Variants in ADGRV1 observed in about 807,000 individuals in gnomAD.
ADGRV1 encodes adhesion G protein-coupled receptor V1.
Under a neutral mutation model 596.2 loss-of-function variants are expected in ADGRV1, and 359 were observed. That is an observed-to-expected ratio of 0.60 (90% confidence interval 0.55 to 0.66). The LOEUF (loss-of-function observed/expected upper bound fraction) is 0.66, where lower values mean the gene tolerates loss of function less well. Among genes scored for constraint, ADGRV1 ranks in the 30% least tolerant of loss-of-function variants. The pLI is 0.00. For synonymous variants in ADGRV1, 2,681 were observed against 2,679.2 expected (o/e 1.00, Z -0.02); for missense variants, 7,274 against 7,575.6 (o/e 0.96, Z 1.48).
At chr5:90,987,337 G>A (rs1006809131) in intron 85 of ADGRV1, among the ~76,000 whole-genome samples, 1 of 151,902 alleles carries the variant, frequency 6.6e-6, no homozygotes, top group Admixed American at 6.6e-5. Context: ...AGGCGTGGTG[G>A]CGCATGCCTG....
chr5:91,022,779 G>A (rs1174081208), intron 85 of ADGRV1, among the ~76,000 whole-genome samples: 3 of 152,068 alleles, frequency 2.0e-5, no homozygotes, highest in African/African-American at 7.2e-5. Context: ...TTGATTACTT[G>A]TGGGGAAACA....
chr5:90,600,823 G>A (rs568469604), intron 1 of ADGRV1, among the ~76,000 whole-genome samples: 1 of 152,214 alleles, frequency 6.6e-6, no homozygotes, highest in South Asian at 2.1e-4. Flanking sequence ...AAATGAAAGT[G>A]AGAACCAGAA....
At chr5:90,668,864 A>G (rs890393245) in intron 21 of ADGRV1, among the ~76,000 whole-genome samples, 4 of 152,214 alleles carry the variant, frequency 2.6e-5, no homozygotes, top group South Asian at 4.2e-4. Flanking sequence ...TAGTTAGGTA[A>G]CTTTTCCCTG....
At chr5:90,709,886 C>T (rs77231737) in intron 39 of ADGRV1, among the ~76,000 whole-genome samples, 1,765 of 152,306 alleles carry the variant, frequency 0.012, 15 homozygotes, top group Non-Finnish European at 0.017. Context: ...TGAGTGGTTT[C>T]TAATGCTCCT....
chr5:90,677,304 G>A (rs569671452), intron 25 of ADGRV1, among the ~76,000 whole-genome samples: 7 of 152,120 alleles, frequency 4.6e-5, no homozygotes, highest in African/African-American at 1.7e-4. Flanking sequence ...CAAATCTCAG[G>A]TAAGAGCAAG....
intron 84 of ADGRV1, among the ~76,000 whole-genome samples, chr5:90,969,673 T>C (rs1260198339): frequency 6.6e-6 from 1 of 152,226 alleles, no homozygotes; most frequent in African/African-American, 2.4e-5. Context: ...TATCCATCTG[T>C]TTGCTCTTCA....
intron 87 of ADGRV1, among the ~76,000 whole-genome samples, chr5:91,124,108 G>T (rs1451161907): frequency 6.6e-6 from 1 of 152,090 alleles, no homozygotes; most frequent in African/African-American, 2.4e-5. Flanking sequence ...GTCTTCAGTT[G>T]CTTTTACTTC....
At chr5:90,644,319 T>C (rs550656925) in intron 14 of ADGRV1, among the ~76,000 whole-genome samples, 1 of 152,180 alleles carries the variant, frequency 6.6e-6, no homozygotes, top group Non-Finnish European at 1.5e-5. Flanking sequence ...AAATGATAAA[T>C]AGTTTATTTT....
At chr5:90,585,041 A>G (rs1018492232) in intron 1 of ADGRV1, among the ~76,000 whole-genome samples, 5 of 152,218 alleles carry the variant, frequency 3.3e-5, no homozygotes, top group Admixed American at 3.3e-4. Context: ...AAAAAAGGAA[A>G]AAGCCACTTT....
At chr5:91,010,310 C>A (rs943366716) in intron 85 of ADGRV1, among the ~76,000 whole-genome samples, 2 of 152,054 alleles carry the variant, frequency 1.3e-5, no homozygotes, top group Non-Finnish European at 2.9e-5. Context: ...AATATGAGCA[C>A]ACATCTATCC....
At chr5:91,152,627 A>G (rs1309508058) in intron 88 of ADGRV1, among the ~76,000 whole-genome samples, 1 of 152,186 alleles carries the variant, frequency 6.6e-6, no homozygotes, top group African/African-American at 2.4e-5. Flanking sequence ...AAGAATGAAG[A>G]TAAAATTAAA....
intron 83 of ADGRV1, among the ~76,000 whole-genome samples, chr5:90,940,985 C>T (rs76531738): frequency 0.03 from 4,567 of 152,156 alleles, 107 homozygotes; most frequent in Middle Eastern, 0.044. Context: ...TGCATTTCCC[C>T]TCCTGAGATT....
intron 36 of ADGRV1, among the ~76,000 whole-genome samples, chr5:90,704,693 G>A (rs114911142): frequency 1.4e-4 from 22 of 152,168 alleles, no homozygotes; most frequent in South Asian, 1.0e-3. Flanking sequence ...GCCCTGAAAC[G>A]TTTTGCTAAA....
chr5:90,724,914 T>C lies in ADGRV1; in HGVS notation c.9831T>C (p.Asn3277=). ...GCTGGTGTTTCTTTACTTTGGAAAA[T>C]TTAATATATGGTATAATGTTAAGAA... ...ASGWCFFTLE[N]LIYGIMLRKS... Residue 3277 remains asparagine (N), a synonymous_variant, in exon 46 of 90, where the codon AAT becomes AAC. Transcript: ENST00000405460. 1 of 1,611,520 alleles carries C rather than the reference T, an allele frequency of 6.2e-7. No individual in the cohort carries two copies. Among genetic ancestry groups the C allele is most frequent in the Non-Finnish European group, 8.5e-7 (1 of 1,178,002 alleles).
chr5:90,840,820 T>C lies in ADGRV1; in HGVS notation c.16854T>C (p.Thr5618=), dbSNP rs559584865. The change falls in exon 78 of 90, where the codon ACT becomes ACC. Residue 5618 remains threonine (T), a synonymous_variant. Coordinates refer to ENST00000405460, the MANE Select transcript of ADGRV1 (RefSeq NM_032119.4). ...IDKVYGTANI[T]LVSDADSQAI... is the part of the protein sequence containing the mutation. ...AAGTGTATGGGACTGCCAACATCACTCTTGTCTCAGATGCAGATTCGCAGG... is the reference window on the plus strand; with the variant it reads ...AAGTGTATGGGACTGCCAACATCACCCTTGTCTCAGATGCAGATTCGCAGG... 1.2e-6 allele frequency: 2 copies of C among 1,613,856 alleles called. No homozygotes were observed. The highest frequency in any genetic ancestry group is 1.3e-5 in the African/African-American group (1 of 75,034).
At chr5:90,771,125 T>C (rs1757649810) in intron 59 of ADGRV1, among the ~76,000 whole-genome samples, 1 of 152,142 alleles carries the variant, frequency 6.6e-6, no homozygotes, top group Admixed American at 6.6e-5. Context: ...GGGATTCACA[T>C]TTCTTGTTTA....
intron 59 of ADGRV1, among the ~76,000 whole-genome samples, chr5:90,766,162 G>A (rs1345710366): frequency 6.6e-6 from 1 of 152,046 alleles, no homozygotes; most frequent in African/African-American, 2.4e-5. Flanking sequence ...GCCCGCCTTG[G>A]CCTCCCAAAG....
At chr5:90,890,028 A>G (rs1770659963) in intron 83 of ADGRV1, among the ~76,000 whole-genome samples, 1 of 152,148 alleles carries the variant, frequency 6.6e-6, no homozygotes, top group Non-Finnish European at 1.5e-5. Context: ...AGCTCATTAT[A>G]TTGATACACT....
intron 60 of ADGRV1, 89 bp downstream of exon 60, chr5:90,774,392 G>T: frequency 1.4e-6 from 1 of 714,862 alleles, no homozygotes; most frequent in Non-Finnish European, 2.4e-6. Context: ...AAATGGACAG[G>T]GTTAGGTTTC....
Sources: allele counts gnomAD v4.1 joint callset (sites outside exome capture counted in the v4.1 genomes callset), GRCh38; gene constraint gnomAD v4.1.1; transcripts MANE v1.5; gene names NCBI Gene and HGNC (gene_info 2026-07-23, HGNC 2026-07-21).